Variants in CCDC91 observed in about 807,000 individuals in gnomAD.
CCDC91 encodes the protein coiled-coil domain-containing protein 91.
CCDC91 carries 48 observed loss-of-function variants against 63.2 expected under a neutral mutation model. The ratio of observed to expected loss-of-function variants is 0.76; its 90% confidence interval spans 0.60 to 0.97. CCDC91 has a LOEUF of 0.97. Ranked by LOEUF, CCDC91 falls within the 50% of genes least tolerant of loss-of-function variation. The pLI is 0.00. For missense variants in CCDC91, 500 were observed against 494.6 expected (o/e 1.01, Z -0.10); for synonymous variants, 167 against 165.8 (o/e 1.01, Z -0.06).
At chr12:28,477,809 T>C (rs1951194750) in intron 11 of CCDC91, among the ~76,000 whole-genome samples, 2 of 152,158 alleles carry the variant, frequency 1.3e-5, no homozygotes, top group Admixed American at 6.6e-5. Context: ...AGCACTCTTA[T>C]ACACCAATAA....
chr12:28,346,588 A>G (rs1368884186), intron 6 of CCDC91, among the ~76,000 whole-genome samples: 2 of 151,976 alleles, frequency 1.3e-5, no homozygotes, highest in Non-Finnish European at 2.9e-5. Flanking sequence ...ATTTTTTTAT[A>G]TTTACCAGTT....
intron 3 of CCDC91, among the ~76,000 whole-genome samples, chr12:28,259,765 A>G (rs1320231991): frequency 6.6e-6 from 1 of 151,918 alleles, no homozygotes; most frequent in African/African-American, 2.4e-5. Flanking sequence ...CAGTTCATTA[A>G]AGATTCCTTT....
At chr12:28,225,894 CTT>C (rs1944241844) in intron 1 of CCDC91, 1 of 152,180 alleles carries the variant, frequency 6.6e-6, no homozygotes, top group East Asian at 1.9e-4. Context: ...AATTCCTTTT[CTT>C]TGCTGGCAGC....
chr12:28,466,638 G>A (rs1293001691), intron 11 of CCDC91, among the ~76,000 whole-genome samples: 2 of 152,094 alleles, frequency 1.3e-5, no homozygotes, highest in Non-Finnish European at 2.9e-5. Context: ...AGTCATGAAG[G>A]AGGAATAAAT....
At chr12:28,199,543 T>C (rs1227451910) in intron 1 of CCDC91, among the ~76,000 whole-genome samples, 1 of 152,244 alleles carries the variant, frequency 6.6e-6, no homozygotes, top group Non-Finnish European at 1.5e-5. Flanking sequence ...CCAGTGTTCT[T>C]AATTTCTTTA....
intron 1 of CCDC91, among the ~76,000 whole-genome samples, chr12:28,216,734 A>C (rs192765334): frequency 2.8e-4 from 43 of 152,166 alleles, no homozygotes; most frequent in African/African-American, 1.0e-3. Flanking sequence ...TGAAACTGAA[A>C]TTTCTTGATG....
intron 7 of CCDC91, among the ~76,000 whole-genome samples, chr12:28,374,412 T>G (rs1385381015): frequency 6.6e-6 from 1 of 152,176 alleles, no homozygotes; most frequent in Non-Finnish European, 1.5e-5. Context: ...TTTGCATGAA[T>G]AATTTGAGAT....
At chr12:28,343,153 G>C (rs1413829062) in intron 6 of CCDC91, among the ~76,000 whole-genome samples, 1 of 150,730 alleles carries the variant, frequency 6.6e-6, no homozygotes, top group Non-Finnish European at 1.5e-5. Context: ...GACTGAAATA[G>C]AGTGAGAGCA....
chr12:28,310,163 G>A (rs1226395471), intron 6 of CCDC91, among the ~76,000 whole-genome samples: 3 of 152,026 alleles, frequency 2.0e-5, no homozygotes, highest in Non-Finnish European at 4.4e-5. Context: ...TGATTAAAAG[G>A]CATAGTACTG....
At chr12:28,194,245 C>G (rs1267948587) in intron 1 of CCDC91, among the ~76,000 whole-genome samples, 2 of 151,936 alleles carry the variant, frequency 1.3e-5, no homozygotes, top group African/African-American at 2.4e-5. Flanking sequence ...GGTCAAGACT[C>G]TCTCTCTCTC....
intron 1 of CCDC91, among the ~76,000 whole-genome samples, chr12:28,211,963 C>T (rs1943263412): frequency 6.6e-6 from 1 of 152,148 alleles, no homozygotes; most frequent in South Asian, 2.1e-4. Context: ...AAATCCATTC[C>T]TGGACCCAGT....
At chr12:28,191,539 T>C (rs1046769755) in intron 1 of CCDC91, among the ~76,000 whole-genome samples, 16 of 151,698 alleles carry the variant, frequency 1.1e-4, no homozygotes, top group African/African-American at 3.9e-4. Flanking sequence ...CGGGTGGGAG[T>C]TGGATGATGG....
chr12:28,277,578 A>G (rs1341159240), intron 3 of CCDC91, among the ~76,000 whole-genome samples: 1 of 152,024 alleles, frequency 6.6e-6, no homozygotes, highest in Non-Finnish European at 1.5e-5. Flanking sequence ...GGGATGGTAA[A>G]TATTCTGAAA....
chr12:28,288,777 A>C (rs1442833968), intron 3 of CCDC91, among the ~76,000 whole-genome samples: 3 of 152,152 alleles, frequency 2.0e-5, no homozygotes, highest in African/African-American at 7.2e-5. Flanking sequence ...TCCTTTGTAC[A>C]TCTGGTAGAA....
chr12:28,226,471 A>G lies in CCDC91; in HGVS notation c.-14-30731A>G, dbSNP rs1007886895. On this transcript the variant is annotated intron_variant, in intron 1 of 12. Coordinates refer to ENST00000536442, the MANE Select transcript of CCDC91 (RefSeq NM_018318.5). ...CATACCTTTTAAATTTTATTTACTGACCTATTTTCCTCTGCTTATCTCTTG... is the reference window on the plus strand; with the variant it reads ...CATACCTTTTAAATTTTATTTACTGGCCTATTTTCCTCTGCTTATCTCTTG... Among the ~76,000 whole-genome samples, 3 of 151,944 alleles carry G rather than the reference A, an allele frequency of 2.0e-5. No homozygotes were observed. In the South Asian group the frequency reaches 6.2e-4, roughly 32 times the overall value.
At chr12:28,432,798 ACT>A (rs1475753047) in intron 8 of CCDC91, among the ~76,000 whole-genome samples, 2 of 151,968 alleles carry the variant, frequency 1.3e-5, no homozygotes, top group Non-Finnish European at 2.9e-5. Context: ...AAACTGTTAA[ACT>A]CTCTTCCAAA....
At position 28,334,056 on chromosome 12, in the gene CCDC91, G is replaced by GTGTA. The variant is rs549994825; in HGVS notation, c.576+26310_576+26311insATGT. 2.0e-3 allele frequency among the ~76,000 whole-genome samples: 306 copies of GTGTA among 152,078 alleles called. 1 individual carries two copies. Among genetic ancestry groups the GTGTA allele is most frequent in the African/African-American group, 6.8e-3 (284 of 41,476 alleles). On this transcript the variant is annotated intron_variant, in intron 6 of 12. Coordinates refer to ENST00000536442, the MANE Select transcript of CCDC91 (RefSeq NM_018318.5). The stretch of plus-strand genomic sequence containing the variant: ...GCAGAATTTATGTGTGTGTGTGTGT[G>GTGTA]TGTGTATGTGTATGTGTATGTGTAT...
intron 12 of CCDC91, 174 bp downstream of exon 12, chr12:28,484,339 A>G (rs928342956): frequency 2.9e-6 from 1 of 346,878 alleles, no homozygotes; most frequent in Admixed American, 4.7e-5. Flanking sequence ...ATGTCTATAA[A>G]CATAAATCCC....
At chr12:28,480,273 A>G (rs1409287273) in intron 11 of CCDC91, among the ~76,000 whole-genome samples, 2 of 151,846 alleles carry the variant, frequency 1.3e-5, no homozygotes, top group Non-Finnish European at 2.9e-5. Context: ...GAGCTCACCT[A>G]TTTTTTTAAG....
Sources: gnomAD v4.1 joint callset for allele counts (sites outside exome capture counted in the v4.1 genomes callset) on GRCh38, gnomAD v4.1.1 for gene constraint, MANE v1.5 for transcripts, NCBI Gene and HGNC (gene_info 2026-07-23, HGNC 2026-07-21) for gene names.